The following KMT5B variants were observed in gnomAD, a reference collection of about 807,000 sequenced individuals.
KMT5B encodes lysine methyltransferase 5B, also known as histone-lysine N-methyltransferase KMT5B.
Under a neutral mutation model 83.2 loss-of-function variants are expected in KMT5B, and 10 were observed. The observed-to-expected ratio is 0.12, with a 90% CI of 0.07 to 0.20. The LOEUF is 0.20. KMT5B is among the 10% of genes least tolerant of loss of function. The pLI, the probability that KMT5B is intolerant of heterozygous loss-of-function variation, is 1.00. For synonymous variants in KMT5B, 349 were observed against 388.8 expected (o/e 0.90, Z 1.20); for missense variants, 753 against 1,067.2 (o/e 0.71, Z 4.10).
At chr11:68,213,008 G>T (rs1202515710) in intron 1 of KMT5B, 130 bp downstream of exon 1, 3 of 16,958 alleles carry the variant, frequency 1.8e-4, no homozygotes, top group African/African-American at 7.1e-4. Context: ...GCCCGGCCCC[G>T]GCCCCACCCG....
chr11:68,165,236 C>T lies in KMT5B; in HGVS notation c.1174+1746G>A, dbSNP rs144171524. Among the ~76,000 whole-genome samples the T allele has an allele frequency of 2.6e-3, 395 of 152,302 alleles. 2 individuals carry two copies. Among genetic ancestry groups the T allele is most frequent in the African/African-American group, 9.1e-3 (379 of 41,568 alleles). On this transcript the variant is annotated intron_variant, in intron 10 of 10. Transcript: ENST00000304363. The stretch of plus-strand genomic sequence containing the variant: ...ACAGGTCTCTGGCCGGGTGCAGTGG[C>T]TCACACCTATAATCCCAGCACTTTG...
chr11:68,193,242 T>C (rs60686122), intron 1 of KMT5B, among the ~76,000 whole-genome samples: 15,158 of 152,224 alleles, frequency 0.1, 834 homozygotes, highest in East Asian at 0.23. Context: ...GTCTCACGAG[T>C]AGAACCCAGC....
rs1305061936 is a variant in KMT5B, at chr11:68,185,933, G to C, written c.161-5C>G. The C allele has an allele frequency of 6.4e-7, 1 of 1,570,640 alleles. No individual in the cohort carries two copies. The highest frequency in any genetic ancestry group is 2.3e-5 in the East Asian group (1 of 43,898). ...CAAATCCCGAGTTACCATTACCTGT[G>C]AAAAGCAAAAGCAAGAAAAATTACT... On this transcript the variant is annotated splice_region_variant and splice_polypyrimidine_tract_variant and intron_variant, in intron 2 of 10. Coordinates refer to ENST00000304363, the MANE Select transcript of KMT5B (RefSeq NM_017635.5).
In KMT5B at chr11:68,180,154, A is replaced by T. The variant is rs1195986453; in HGVS notation, c.355T>A (p.Phe119Ile). The T allele has an allele frequency of 6.3e-7, 1 of 1,581,780 alleles. No homozygotes were observed. Among genetic ancestry groups the T allele is most frequent in the South Asian group, 1.1e-5 (1 of 88,350 alleles). ...TACCTCACAGGGTTGTTGTGAGAAA[A>T]ACTGTCAGATTTTGAAAAATGCCTT... ...SSRHFSKSDS[F>I]SHNNPVRFRP... The change falls in exon 4 of 11, where the codon TTT becomes ATT. Residue 119 changes from phenylalanine (F) to isoleucine (I), a missense_variant. Physicochemically the swap from Phe to Ile is conservative, Grantham distance 21. Transcript: ENST00000304363.
At chr11:68,164,778 G>A (rs548497432) in intron 10 of KMT5B, 4 of 459,946 alleles carry the variant, frequency 8.7e-6, no homozygotes, top group African/African-American at 6.0e-5. Flanking sequence ...AGCTTAAAGC[G>A]ATTATTCAGT....
At chr11:68,201,477 T>A (rs1859433226) in intron 1 of KMT5B, among the ~76,000 whole-genome samples, 1 of 152,156 alleles carries the variant, frequency 6.6e-6, no homozygotes, top group Non-Finnish European at 1.5e-5. Context: ...AATTGTTGAG[T>A]GACTTTTGAG....
intron 10 of KMT5B, chr11:68,166,137 A>G: frequency 4.9e-6 from 7 of 1,422,686 alleles, no homozygotes; most frequent in Non-Finnish European, 6.4e-6. Context: ...TCTCAGAGAC[A>G]AGTGAGACTC....
intron 1 of KMT5B, among the ~76,000 whole-genome samples, chr11:68,202,517 C>T (rs1429017662): frequency 6.6e-6 from 1 of 151,268 alleles, no homozygotes; most frequent in African/African-American, 2.4e-5. Context: ...TATCTGGTAA[C>T]ACCTGCCTTC....
Position 68,162,777 on chromosome 11 carries a change from T to C in KMT5B, c.1175-3606A>G, listed in dbSNP as rs79201532. Among the ~76,000 whole-genome samples the C allele has an allele frequency of 8.1e-3, 1,241 of 152,334 alleles. 19 individuals carry two copies. The highest frequency in any genetic ancestry group is 0.027 in the African/African-American group (1,140 of 41,572). On this transcript the variant is annotated intron_variant, in intron 10 of 10. Coordinates refer to ENST00000304363, the MANE Select transcript of KMT5B (RefSeq NM_017635.5). ...ATTACATCAACACAGAGATTTCACT[T>C]ACATGTTACCAATGTATTCTAATTT...
In KMT5B at chr11:68,158,327, G is replaced by A. The variant is rs373774994; in HGVS notation, c.2019C>T (p.Val673=). The change falls in exon 11 of 11, where the codon GTC becomes GTT. Residue 673 remains valine (V), a synonymous_variant. Coordinates refer to ENST00000304363, the MANE Select transcript of KMT5B (RefSeq NM_017635.5). ...TATCTGATGTCACAACTGAACAACCGACGGGTGAAGGAGCACAGTCTGTGT... is the reference window on the plus strand; with the variant it reads ...TATCTGATGTCACAACTGAACAACCAACGGGTGAAGGAGCACAGTCTGTGT... ...VSYTDCAPSP[V]GCSVVTSDSF... is the part of the protein sequence containing the mutation. The A allele has an allele frequency of 2.2e-5, 35 of 1,614,004 alleles. No homozygotes were observed. Among genetic ancestry groups the A allele is most frequent in the Middle Eastern group, 1.6e-4 (1 of 6,084 alleles).
At chr11:68,176,571 G>C (rs1856402899) in intron 4 of KMT5B, 1 of 152,202 alleles carries the variant, frequency 6.6e-6, no homozygotes, top group South Asian at 2.1e-4. Context: ...GGATCACGAG[G>C]TCAGGAGATC....
chr11:68,167,856 C>T (rs1008587416), intron 9 of KMT5B, among the ~76,000 whole-genome samples: 7 of 152,152 alleles, frequency 4.6e-5, no homozygotes, highest in Admixed American at 3.9e-4. Flanking sequence ...TCCTCATCAA[C>T]GGTACATTGT....
At chr11:68,170,868 G>C in intron 9 of KMT5B, 147 bp downstream of exon 9, 1 of 774,584 alleles carries the variant, frequency 1.3e-6, no homozygotes, top group Non-Finnish European at 2.0e-6. Context: ...ATTTGACTTT[G>C]TTCATACACA....
At chr11:68,189,761 AT>A (rs1160118686) in intron 2 of KMT5B, 155 bp downstream of exon 2, 1 of 606,480 alleles carries the variant, frequency 1.6e-6, no homozygotes, top group Non-Finnish European at 2.7e-6. Flanking sequence ...GAGAATAAAA[AT>A]TGACACAACT....
chr11:68,157,804 C>T lies in KMT5B; in HGVS notation c.2542G>A (p.Asp848Asn). 3.1e-6 allele frequency: 5 copies of T among 1,614,098 alleles called. No individual in the cohort carries two copies. Among genetic ancestry groups the T allele is most frequent in the South Asian group, 1.1e-5 (1 of 91,078 alleles). The change falls in exon 11 of 11, where the codon GAT becomes AAT. Residue 848 changes from aspartate (D) to asparagine (N), a missense_variant. By Grantham distance (23) the Asp-to-Asn change is conservative. Around this residue, in one of 9 missense-constraint regions of KMT5B, gnomAD observed 161 missense variants for 195.1 expected, o/e 0.83. Transcript: ENST00000304363. ...TTAGCTGGAGGAAGAGGAATAAAAT[C>T]GTCTTCAAAGTCATCATCATAGTCA... ...EDDYDDDFED[D>N]FIPLPPAKRL... is the part of the protein sequence containing the mutation.
chr11:68,163,478 T>C (rs186489663), intron 10 of KMT5B, among the ~76,000 whole-genome samples: 8 of 152,316 alleles, frequency 5.3e-5, no homozygotes, highest in Admixed American at 2.6e-4. Context: ...TGCATGGCTA[T>C]TATGGTCATT....
intron 1 of KMT5B, among the ~76,000 whole-genome samples, chr11:68,196,232 C>T (rs1858692376): frequency 6.6e-6 from 1 of 152,002 alleles, no homozygotes; most frequent in African/African-American, 2.4e-5. Flanking sequence ...TCTCCTCTGT[C>T]TGCCTGGAAT....
At chr11:68,180,828 AAAC>A (rs1425028208) in intron 3 of KMT5B, among the ~76,000 whole-genome samples, 2 of 152,208 alleles carry the variant, frequency 1.3e-5, no homozygotes, top group Non-Finnish European at 2.9e-5. Context: ...CCAGAGGTAT[AAAC>A]AACAACTCTT....
At chr11:68,209,364 A>AGGAAAAT (rs1217529564) in intron 1 of KMT5B, among the ~76,000 whole-genome samples, 6 of 152,316 alleles carry the variant, frequency 3.9e-5, no homozygotes, top group Non-Finnish European at 5.9e-5. Context: ...TTCTACTTTC[A>AGGAAAAT]GGAAAATCAG....
Sources: gnomAD v4.1 joint callset for allele counts (sites outside exome capture counted in the v4.1 genomes callset) on GRCh38, gnomAD v4.1.1 for gene constraint, gnomAD v4.1.1 regional missense constraint, MANE v1.5 for transcripts, NCBI Gene and HGNC (gene_info 2026-07-23, HGNC 2026-07-21) for gene names.